Variants in SPTLC3 observed in about 807,000 individuals in gnomAD.
SPTLC3 encodes the protein serine palmitoyltransferase 3.
SPTLC3 carries 36 observed loss-of-function variants against 59.3 expected under a neutral mutation model. The ratio of observed to expected loss-of-function variants is 0.61; its 90% CI spans 0.47 to 0.80. The LOEUF is 0.80. SPTLC3 is among the 30% of genes least tolerant of loss of function. The probability of loss-of-function intolerance (pLI) is 0.00; values close to 1 mark genes in which losing one functional copy is unlikely to be tolerated. For missense variants in SPTLC3, 625 were observed against 685.1 expected (o/e 0.91, Z 0.98); for synonymous variants, 257 against 240.8 (o/e 1.07, Z -0.62).
chr20:13,128,540 G>C (rs2038045943), intron 9 of SPTLC3, among the ~76,000 whole-genome samples: 1 of 152,130 alleles, frequency 6.6e-6, no homozygotes, highest in Admixed American at 6.6e-5. Flanking sequence ...TCAGCCTAGA[G>C]GTGACTCTTA....
chr20:13,018,661 A>G (rs1267847374), intron 1 of SPTLC3, among the ~76,000 whole-genome samples: 1 of 152,228 alleles, frequency 6.6e-6, no homozygotes, highest in African/African-American at 2.4e-5. Context: ...TCTGCCAATT[A>G]CAAATTAATT....
intron 1 of SPTLC3, among the ~76,000 whole-genome samples, chr20:13,021,995 G>A (rs1600209024): frequency 6.6e-6 from 1 of 152,240 alleles, no homozygotes; most frequent in South Asian, 2.1e-4. Context: ...AGGCATTTCT[G>A]ACTGCCTACT....
At chr20:13,144,627 T>A (rs6033625) in intron 9 of SPTLC3, among the ~76,000 whole-genome samples, 160 of 152,122 alleles carry the variant, frequency 1.1e-3, no homozygotes, top group African/African-American at 3.6e-3. Flanking sequence ...CAACAAACAC[T>A]ATATAATTTG....
intron 2 of SPTLC3, among the ~76,000 whole-genome samples, chr20:13,062,688 C>T (rs183896122): frequency 3.2e-4 from 49 of 152,246 alleles, no homozygotes; most frequent in African/African-American, 1.1e-3. Context: ...ACTTAACGTT[C>T]GTGTGTACTT....
At chr20:13,070,647 A>G (rs1988401685) in intron 2 of SPTLC3, among the ~76,000 whole-genome samples, 1 of 152,138 alleles carries the variant, frequency 6.6e-6, no homozygotes, top group Admixed American at 6.5e-5. Context: ...AGGATAAAGG[A>G]TGAGCTCTTC....
intron 1 of SPTLC3, among the ~76,000 whole-genome samples, chr20:13,036,926 T>C (rs1986760797): frequency 6.6e-6 from 1 of 152,162 alleles, no homozygotes; most frequent in African/African-American, 2.4e-5. Flanking sequence ...GAAATGAGGC[T>C]TTTGTTATTC....
At chr20:13,043,505 C>T (rs1472245579) in intron 1 of SPTLC3, among the ~76,000 whole-genome samples, 1 of 152,116 alleles carries the variant, frequency 6.6e-6, no homozygotes, top group Non-Finnish European at 1.5e-5. Flanking sequence ...TTGTATCATA[C>T]CCTAAAAAGC....
intron 1 of SPTLC3, among the ~76,000 whole-genome samples, chr20:13,030,231 C>T (rs1480791608): frequency 6.6e-6 from 1 of 152,200 alleles, no homozygotes. Context: ...TCAAAACACA[C>T]CTCTGTTGTT....
Position 13,165,091 on chromosome 20 carries a change from A to T in SPTLC3, c.*224A>T. On this transcript the variant is annotated 3_prime_UTR_variant, in exon 12 of 12. Coordinates refer to ENST00000399002, the MANE Select transcript of SPTLC3 (RefSeq NM_018327.4). ...AAGTCTCTCTTCTTCCAAGTATTCTACTAGAAATACACACACACACACACA... is the reference window on the plus strand; with the variant it reads ...AAGTCTCTCTTCTTCCAAGTATTCTTCTAGAAATACACACACACACACACA... The T allele has an allele frequency of 2.1e-6, 1 of 470,184 alleles. No individual in the cohort carries two copies. The highest frequency in any genetic ancestry group is 2.6e-5 in the South Asian group (1 of 37,742). 29.1% of individuals were successfully genotyped at this position (470,184 alleles called of 1,614,324 possible).
intron 7 of SPTLC3, 57 bp downstream of exon 7, chr20:13,110,274 T>C: frequency 1.4e-6 from 2 of 1,444,218 alleles, no homozygotes; most frequent in East Asian, 2.3e-5. Context: ...AGCTGACCAG[T>C]GCGGAAAGGC....
rs112865207 is a variant in SPTLC3, at chr20:13,092,811, A to G, written c.733-673A>G. ...AGACCACAAAAGACAAAGGTCCACC[A>G]TAATTTGCCTGCATTTTTGGTATGC... is the stretch of plus-strand genomic sequence containing the variant. On this transcript the variant is annotated intron_variant, in intron 5 of 11. Transcript: ENST00000399002. 4.0e-3 allele frequency among the ~76,000 whole-genome samples: 605 copies of G among 152,312 alleles called. 4 individuals are homozygous for G. Among genetic ancestry groups the G allele is most frequent in the African/African-American group, 0.014 (580 of 41,562 alleles).
At chr20:13,073,985 G>T in intron 3 of SPTLC3, 1 of 603,794 alleles carries the variant, frequency 1.7e-6, no homozygotes, top group South Asian at 1.4e-5. Context: ...ATATCCTGAT[G>T]ACCAATGAAT....
chr20:13,131,110 C>A (rs1284378242), intron 9 of SPTLC3, among the ~76,000 whole-genome samples: 3 of 133,476 alleles, frequency 2.2e-5, no homozygotes, highest in Non-Finnish European at 3.2e-5. Flanking sequence ...GAAGGTGAGC[C>A]CCAAACCACA....
chr20:13,128,836 G>A (rs2038053353), intron 9 of SPTLC3, among the ~76,000 whole-genome samples: 1 of 150,202 alleles, frequency 6.7e-6, no homozygotes, highest in African/African-American at 2.5e-5. Context: ...GACTACAGGT[G>A]TGCACCAACA....
chr20:13,128,081 G>A (rs1304357395), intron 9 of SPTLC3, among the ~76,000 whole-genome samples: 1 of 152,192 alleles, frequency 6.6e-6, no homozygotes, highest in Non-Finnish European at 1.5e-5. Context: ...CAATATTTAT[G>A]AGCCAAGGTT....
intron 9 of SPTLC3, among the ~76,000 whole-genome samples, chr20:13,139,228 T>C (rs2038322897): frequency 6.6e-6 from 1 of 152,108 alleles, no homozygotes; most frequent in African/African-American, 2.4e-5. Flanking sequence ...CACAGAAAAA[T>C]TTGGGTTTCT....
At chr20:13,099,565 C>T (rs1989534594) in intron 6 of SPTLC3, among the ~76,000 whole-genome samples, 1 of 152,210 alleles carries the variant, frequency 6.6e-6, no homozygotes, top group Admixed American at 6.5e-5. Flanking sequence ...CGAGCATATT[C>T]TGCTGCTGTT....
chr20:13,094,283 G>A (rs1029431063), intron 6 of SPTLC3, among the ~76,000 whole-genome samples: 2 of 152,178 alleles, frequency 1.3e-5, no homozygotes, highest in Non-Finnish European at 2.9e-5. Context: ...TCTGTAAAAT[G>A]AGGTGTCGAA....
intron 7 of SPTLC3, among the ~76,000 whole-genome samples, chr20:13,111,508 A>G (rs1990232520): frequency 6.6e-6 from 1 of 152,214 alleles, no homozygotes; most frequent in Non-Finnish European, 1.5e-5. Context: ...CAAAATGTCG[A>G]TAGTGCTAAG....
Sources: allele counts gnomAD v4.1 joint callset (sites outside exome capture counted in the v4.1 genomes callset), GRCh38; gene constraint gnomAD v4.1.1; transcripts MANE v1.5; gene names NCBI Gene and HGNC (gene_info 2026-07-23, HGNC 2026-07-21).